CPNE1: variants seen among roughly 807,000 people sequenced by gnomAD.
CPNE1 encodes copine-1.
In CPNE1, 58 loss-of-function variants were observed where a neutral mutation model predicts 63.2. The ratio of observed to expected loss-of-function variants is 0.92; its 90% CI spans 0.74 to 1.14. The LOEUF (loss-of-function observed/expected upper bound fraction) is 1.14. Among genes scored for constraint, CPNE1 ranks in the 50% most tolerant of loss-of-function variants. The pLI is 0.00. For missense variants in CPNE1, 672 were observed against 661.7 expected (o/e 1.02, Z -0.17); for synonymous variants, 237 against 249.0 (o/e 0.95, Z 0.45).
At chr20:35,636,976 A>C (rs2207889) in intron 1 of CPNE1, among the ~76,000 whole-genome samples, 38,601 of 152,056 alleles carry the variant, frequency 0.25, 5,686 homozygotes, top group African/African-American at 0.41. Flanking sequence ...GAACTCCATA[A>C]TTCTGTATTG....
intron 1 of CPNE1, among the ~76,000 whole-genome samples, chr20:35,660,265 C>T (rs529790923): frequency 6.6e-6 from 1 of 152,048 alleles, no homozygotes; most frequent in African/African-American, 2.4e-5. Context: ...TGCAGTGGCG[C>T]GATCTAGGCT....
At chr20:35,628,755 T>A (rs1038551120) in intron 13 of CPNE1, among the ~76,000 whole-genome samples, 4 of 152,232 alleles carry the variant, frequency 2.6e-5, no homozygotes, top group African/African-American at 4.8e-5. Flanking sequence ...GTAAAAGACA[T>A]TAGGACAATT....
rs76294482 is a variant in CPNE1, at chr20:35,627,312, C to CA, written c.1203dup (p.Ala402CysfsTer21). 0.1 allele frequency: 167,373 copies of CA among 1,613,696 alleles called. 9,032 individuals are homozygous for CA. The highest frequency in any genetic ancestry group is 0.16 in the South Asian group (14,199 of 91,056). On this transcript the variant is annotated frameshift_variant, in exon 14 of 16. Transcript: ENST00000397443. LOFTEE classifies it high-confidence loss of function. ...GTCCCCTGATGTGCAGCCTGGGCTGCAAACCTGGCCACATGGTTGATGATG... is the reference window on the plus strand; with the variant it reads ...GTCCCCTGATGTGCAGCCTGGGCTGCAAAACCTGGCCACATGGTTGATGATG...
At position 35,631,355 on chromosome 20, in the gene CPNE1, C is replaced by T; in HGVS notation, c.715-1G>A. The T allele has an allele frequency of 6.2e-7, 1 of 1,614,058 alleles. No homozygotes were observed. Among genetic ancestry groups the T allele is most frequent in the African/African-American group, 1.3e-5 (1 of 75,014 alleles). ...CAGGGTGGATGCATTCAAACTCAGC[C>T]TGGTGAGGACAGAAAAATTAGGGTA... On this transcript the variant is annotated splice_acceptor_variant, in intron 8 of 15. Transcript: ENST00000397443. LOFTEE classifies it high-confidence loss of function.
chr20:35,660,123 G>T (rs2034147738), intron 1 of CPNE1, among the ~76,000 whole-genome samples: 1 of 152,180 alleles, frequency 6.6e-6, no homozygotes, highest in African/African-American at 2.4e-5. Flanking sequence ...ACCACAAAAA[G>T]CTATGCAAAT....
chr20:35,652,359 AGT>A, intron 1 of CPNE1: 1 of 727,814 alleles, frequency 1.4e-6, no homozygotes, highest in South Asian at 1.9e-5. Context: ...TATCCTGGTG[AGT>A]GAGTCTTCTG....
chr20:35,643,173 A>G (rs774863414), intron 1 of CPNE1: 7 of 160,164 alleles, frequency 4.4e-5, no homozygotes, highest in Non-Finnish European at 1.0e-4. Flanking sequence ...GACATCTGTC[A>G]CCCCATTGAT....
chr20:35,654,618 C>G (rs2033776172), intron 1 of CPNE1: 1 of 1,613,984 alleles, frequency 6.2e-7, no homozygotes, highest in African/African-American at 1.3e-5. Context: ...GCAGTGGGGT[C>G]ATGGGTGGCA....
intron 1 of CPNE1, among the ~76,000 whole-genome samples, chr20:35,656,973 TATAA>T (rs2033939384): frequency 6.6e-6 from 1 of 152,246 alleles, no homozygotes; most frequent in Non-Finnish European, 1.5e-5. Context: ...TCAAATATTA[TATAA>T]ATACTAATGC....
intron 1 of CPNE1, chr20:35,654,048 T>C: frequency 1.2e-6 from 2 of 1,614,220 alleles, no homozygotes; most frequent in South Asian, 2.2e-5. Context: ...CAGCCTCATG[T>C]GGTGATCTTG....
intron 1 of CPNE1, among the ~76,000 whole-genome samples, chr20:35,655,814 T>C (rs2033862545): frequency 6.6e-6 from 1 of 152,226 alleles, no homozygotes; most frequent in Admixed American, 6.5e-5. Context: ...AGTGTGATTT[T>C]ATAGAGCTCA....
At position 35,629,656 on chromosome 20, in the gene CPNE1, T is replaced by A. The variant is rs1167196822; in HGVS notation, c.1102+783A>T. 3.1e-5 allele frequency among the ~76,000 whole-genome samples: 4 copies of A among 128,654 alleles called. No homozygotes were observed. In the South Asian group the frequency reaches 9.0e-4, roughly 29 times the overall value. 84.4% of individuals were successfully genotyped at this position (128,654 alleles called of 152,430 possible). A position where few individuals can be genotyped will look rare whatever the true frequency, so the allele number is the denominator to read the frequency against. ...ACCTGCCCCAAGTCATGTGGCATCA[T>A]TTTTTTTTTTTTTTGAGATAGGTTC... On this transcript the variant is annotated intron_variant, in intron 13 of 15. Transcript: ENST00000397443.
intron 1 of CPNE1, among the ~76,000 whole-genome samples, chr20:35,634,338 T>G (rs369449183): frequency 6.7e-6 from 1 of 150,222 alleles, no homozygotes; most frequent in African/African-American, 2.5e-5. Context: ...CTACTGAGCT[T>G]AGAAAAACTC....
intron 15 of CPNE1, 46 bp from the exon 16 acceptor site, chr20:35,626,427 CA>C (rs2031746403): frequency 6.2e-7 from 1 of 1,609,032 alleles, no homozygotes; most frequent in Middle Eastern, 1.7e-4. Flanking sequence ...AACAGCTGCC[CA>C]AAGTCTGTAT....
chr20:35,656,181 AT>A (rs34910459), intron 1 of CPNE1, among the ~76,000 whole-genome samples: 1 of 152,168 alleles, frequency 6.6e-6, no homozygotes, highest in Non-Finnish European at 1.5e-5. Context: ...ATTTAATAAA[AT>A]TTTTTAAAGT....
chr20:35,627,535 T>A, intron 13 of CPNE1, 122 bp from the exon 14 acceptor site: 1 of 981,204 alleles, frequency 1.0e-6, no homozygotes, highest in Non-Finnish European at 1.5e-6. Context: ...TCATTCACCC[T>A]TGTAAACCAG....
At chr20:35,659,115 G>C (rs1424268871) in intron 1 of CPNE1, 7 of 410,200 alleles carry the variant, frequency 1.7e-5, no homozygotes, top group Non-Finnish European at 2.7e-5. Context: ...GAAACCACCA[G>C]AGTACTTCAT....
intron 14 of CPNE1, 50 bp downstream of exon 14, chr20:35,627,230 C>T (rs372740649): frequency 8.1e-7 from 1 of 1,229,490 alleles, no homozygotes; most frequent in African/African-American, 1.7e-5. Context: ...CCATAACCCT[C>T]AAGGAAGCCC....
At chr20:35,655,360 G>A in intron 1 of CPNE1, 4 of 1,570,324 alleles carry the variant, frequency 2.5e-6, no homozygotes, top group Non-Finnish European at 3.4e-6. Flanking sequence ...GATGAGAAAA[G>A]GCAACGGCCA....
Sources: allele counts gnomAD v4.1 joint callset (sites outside exome capture counted in the v4.1 genomes callset), GRCh38; gene constraint gnomAD v4.1.1; transcripts MANE v1.5; gene names NCBI Gene and HGNC (gene_info 2026-07-23, HGNC 2026-07-21).